Variants in UBE2E1 observed in about 807,000 individuals in gnomAD.
UBE2E1 encodes the protein ubiquitin conjugating enzyme E2 E1.
UBE2E1 carries 6 observed loss-of-function variants against 21.4 expected under a neutral mutation model. The observed-to-expected ratio is 0.28, with a 90% CI of 0.15 to 0.55. UBE2E1 has a LOEUF of 0.55. Among genes scored for constraint, UBE2E1 ranks in the 20% least tolerant of loss-of-function variants. UBE2E1 has a pLI of 0.93. For missense variants in UBE2E1, 142 were observed against 236.5 expected (o/e 0.60, Z 2.62); for synonymous variants, 87 against 82.7 (o/e 1.05, Z -0.28).
intron 3 of UBE2E1, among the ~76,000 whole-genome samples, chr3:23,855,890 C>T (rs111846872): frequency 1.3e-5 from 2 of 152,226 alleles, no homozygotes; most frequent in African/African-American, 4.8e-5. Context: ...AAGGCACTTA[C>T]ATAGCTTATT....
At chr3:23,858,038 C>T (rs556557893) in intron 3 of UBE2E1, among the ~76,000 whole-genome samples, 5 of 152,056 alleles carry the variant, frequency 3.3e-5, no homozygotes, top group Admixed American at 6.5e-5. Context: ...GCCTGGCTGA[C>T]CTTAGCTAGT....
intron 5 of UBE2E1, chr3:23,889,476 T>C: frequency 2.9e-6 from 4 of 1,388,496 alleles, no homozygotes; most frequent in Non-Finnish European, 3.7e-6. Flanking sequence ...TATTTTAAAC[T>C]GAAGACTGAC....
chr3:23,879,146 A>G, intron 3 of UBE2E1: 2 of 634,286 alleles, frequency 3.2e-6, no homozygotes, highest in Admixed American at 4.2e-5. Flanking sequence ...TCTATATCCT[A>G]GTTATTTTAT....
chr3:23,821,083 G>C (rs1699633014), intron 3 of UBE2E1, among the ~76,000 whole-genome samples: 1 of 152,242 alleles, frequency 6.6e-6, no homozygotes. Context: ...AGTGTCTGCT[G>C]TGTGCTAGGC....
At chr3:23,839,987 A>T (rs1700052032) in intron 3 of UBE2E1, among the ~76,000 whole-genome samples, 1 of 152,020 alleles carries the variant, frequency 6.6e-6, no homozygotes. Context: ...GTTTCATCAT[A>T]TTTGGAAAGA....
At chr3:23,831,382 A>G (rs1347989667) in intron 3 of UBE2E1, among the ~76,000 whole-genome samples, 1 of 151,870 alleles carries the variant, frequency 6.6e-6, no homozygotes, top group Non-Finnish European at 1.5e-5. Flanking sequence ...CAGTTGTAAA[A>G]CTCTTGGGCG....
chr3:23,831,416 T>C (rs2125293940), intron 3 of UBE2E1, among the ~76,000 whole-genome samples: 1 of 152,296 alleles, frequency 6.6e-6, no homozygotes, highest in African/African-American at 2.4e-5. Flanking sequence ...TCTAACTTGA[T>C]TGAGTTTTGG....
intron 4 of UBE2E1, among the ~76,000 whole-genome samples, chr3:23,888,490 C>A (rs1676680327): frequency 1.3e-5 from 2 of 152,046 alleles, no homozygotes; most frequent in African/African-American, 4.8e-5. Flanking sequence ...CAAATAACAC[C>A]AGCTTATGTG....
At chr3:23,831,518 C>CTTTT (rs11430039) in intron 3 of UBE2E1, among the ~76,000 whole-genome samples, 38,064 of 136,870 alleles carry the variant, frequency 0.28, 5,902 homozygotes, top group Middle Eastern at 0.35. Flanking sequence ...AAAATGAATA[C>CTTTT]TTTTTTTTTT....
chr3:23,853,674 T>G lies in UBE2E1; in HGVS notation c.204-33893T>G, dbSNP rs543062278. On this transcript the variant is annotated intron_variant, in intron 3 of 5. Coordinates refer to ENST00000306627, the MANE Select transcript of UBE2E1 (RefSeq NM_003341.5). This position sits in a 1 kb window ranked among gnomAD's most constrained non-coding sequence, Gnocchi z 4.1. ...AGACACTTGTCCCTCTTAACTTGTTTCTTGGTAATGAGTGAATTGGTGAAA... is the reference window on the plus strand; with the variant it reads ...AGACACTTGTCCCTCTTAACTTGTTGCTTGGTAATGAGTGAATTGGTGAAA... 2.0e-5 allele frequency among the ~76,000 whole-genome samples: 3 copies of G among 152,314 alleles called. No homozygotes were observed. Among genetic ancestry groups the G allele is most frequent in the African/African-American group, 7.2e-5 (3 of 41,558 alleles).
intron 3 of UBE2E1, among the ~76,000 whole-genome samples, chr3:23,868,375 TCTCA>T (rs1483791865): frequency 6.6e-6 from 1 of 152,112 alleles, no homozygotes; most frequent in Admixed American, 6.5e-5. Context: ...AGTGACACGA[TCTCA>T]CTCACTGCAA....
intron 3 of UBE2E1, among the ~76,000 whole-genome samples, chr3:23,880,704 G>A (rs1701018502): frequency 6.6e-6 from 1 of 152,218 alleles, no homozygotes; most frequent in African/African-American, 2.4e-5. Flanking sequence ...AGTCTGTACT[G>A]AGAATGGGAA....
At chr3:23,849,734 C>T (rs913877334) in intron 3 of UBE2E1, among the ~76,000 whole-genome samples, 1 of 152,166 alleles carries the variant, frequency 6.6e-6, no homozygotes, top group African/African-American at 2.4e-5. Context: ...ATATGTGCCA[C>T]GTTTTCTTTA....
In UBE2E1 at chr3:23,891,387, T is replaced by G. The variant is rs1701453449; in HGVS notation, c.*781T>G. 1 of 152,226 alleles carries G rather than the reference T, an allele frequency of 6.6e-6. No homozygotes were observed. The highest frequency in any genetic ancestry group is 6.5e-5 in the Admixed American group (1 of 15,280). The allele number at this position is 152,226 out of a possible 1,614,324, so 9.4% of individuals were successfully genotyped here. A position where few individuals can be genotyped will look rare whatever the true frequency, so the allele number is the denominator to read the frequency against. On this transcript the variant is annotated 3_prime_UTR_variant, in exon 6 of 6. Transcript: ENST00000306627. ...CAGATTCTTCTGAAATCGATAGGTA[T>G]CTGCTTCTAAAACAAGCTAAAAATA...
rs920382851 is a variant in UBE2E1 at position 23,816,358 on chromosome 3, C to T, written c.203+4848C>T. On this transcript the variant is annotated intron_variant, in intron 3 of 5. Transcript: ENST00000306627. This position sits in a 1 kb window ranked among gnomAD's most constrained non-coding sequence, Gnocchi z 4.8. ...TTAATCTATAAACTGGAATATTCAT[C>T]TATAAAAAGGAATGAAGTTGTGATG... Among the ~76,000 whole-genome samples the T allele has an allele frequency of 2.0e-5, 3 of 152,004 alleles. No homozygotes were observed. The highest frequency in any genetic ancestry group is 7.2e-5 in the African/African-American group (3 of 41,416).
chr3:23,823,514 TTCC>T lies in UBE2E1; in HGVS notation c.203+12010_203+12012del, dbSNP rs1403931560. ...TTGTTCCTACTACCACTTACAACCT[TTCC>T]TCCTCTATGGGGGTACATCTCAATT... On this transcript the variant is annotated intron_variant, in intron 3 of 5. Transcript: ENST00000306627. The surrounding 1 kb of genome is among the most constrained non-coding windows in gnomAD (Gnocchi z 4.2). Among the ~76,000 whole-genome samples the T allele has an allele frequency of 3.3e-5, 5 of 152,210 alleles. No homozygotes were observed. The highest frequency in any genetic ancestry group is 1.2e-4 in the African/African-American group (5 of 41,440).
chr3:23,870,687 A>ATT lies in UBE2E1; in HGVS notation c.204-16877_204-16876dup, dbSNP rs367814084. On this transcript the variant is annotated intron_variant, in intron 3 of 5. Transcript: ENST00000306627. This position sits in a 1 kb window ranked among gnomAD's most constrained non-coding sequence, Gnocchi z 4.2. ...CTATTTAAAATTCTTTTTTTATTTT[A>ATT]TTTTATTTTATTGATCATTCTTGGG... 7.3e-5 allele frequency among the ~76,000 whole-genome samples: 5 copies of ATT among 68,700 alleles called. No individual in the cohort carries two copies. The highest frequency in any genetic ancestry group is 1.2e-4 in the African/African-American group (2 of 16,060). 45.1% of individuals were successfully genotyped at this position (68,700 alleles called of 152,430 possible).
chr3:23,851,947 T>G (rs1245049437), intron 3 of UBE2E1, among the ~76,000 whole-genome samples: 4 of 152,230 alleles, frequency 2.6e-5, no homozygotes, highest in African/African-American at 9.6e-5. Flanking sequence ...GGCTTGGTGC[T>G]GCTCTCACGG....
intron 3 of UBE2E1, among the ~76,000 whole-genome samples, chr3:23,845,300 ACT>A (rs1559483233): frequency 6.6e-6 from 1 of 152,038 alleles, no homozygotes; most frequent in Non-Finnish European, 1.5e-5. Flanking sequence ...TGCATTGCAC[ACT>A]CTTCAGGAGT....
Sources: allele counts gnomAD v4.1 joint callset (sites outside exome capture counted in the v4.1 genomes callset), GRCh38; gene constraint gnomAD v4.1.1; non-coding constraint Gnocchi (gnomAD v3.1); transcripts MANE v1.5; gene names NCBI Gene and HGNC (gene_info 2026-07-23, HGNC 2026-07-21).